GRM8: variants seen among roughly 807,000 people sequenced by gnomAD.
GRM8 encodes glutamate metabotropic receptor 8.
In GRM8, 47 loss-of-function variants were observed where a neutral mutation model predicts 87.2. The ratio of observed to expected loss-of-function variants is 0.54; its 90% CI spans 0.43 to 0.69. The LOEUF is 0.69. Among genes scored for constraint, GRM8 ranks in the 30% least tolerant of loss-of-function variants. The pLI is 0.00. For synonymous variants in GRM8, 396 were observed against 404.5 expected (o/e 0.98, Z 0.25); for missense variants, 1,019 against 1,139.2 (o/e 0.89, Z 1.52).
intron 6 of GRM8, among the ~76,000 whole-genome samples, chr7:126,774,341 C>G (rs552371156): frequency 1.3e-5 from 2 of 152,232 alleles, no homozygotes; most frequent in South Asian, 4.1e-4. Context: ...ACTCATCAAC[C>G]TAATTGGCTG....
chr7:126,457,424 G>A (rs1008720641), intron 9 of GRM8, among the ~76,000 whole-genome samples: 1 of 151,202 alleles, frequency 6.6e-6, no homozygotes, highest in Admixed American at 6.6e-5. Context: ...AAATTGTACA[G>A]AAAAAAATTA....
In GRM8 at chr7:126,439,150, G is replaced by A; in HGVS notation, c.2696C>T (p.Thr899Ile). 1.3e-6 allele frequency: 2 copies of A among 1,563,732 alleles called. No individual in the cohort carries two copies. Among genetic ancestry groups the A allele is most frequent in the South Asian group, 2.2e-5 (2 of 90,042 alleles). The change falls in exon 11 of 11, where the codon ACA (threonine) becomes ATA (isoleucine). Residue 899 changes from threonine (T) to isoleucine (I), a missense_variant. Coordinates refer to ENST00000339582, the MANE Select transcript of GRM8 (RefSeq NM_000845.3). ...LETNTSSTKT[T>I]YISYSNHSI ...TGAATGATTGCTGTAACTGATATAT[G>A]TTGTCTTGGTAGAGGAAGCTGTTAA...
intron 7 of GRM8, among the ~76,000 whole-genome samples, chr7:126,676,244 A>G (rs950848263): frequency 2.0e-5 from 3 of 152,208 alleles, no homozygotes; most frequent in Non-Finnish European, 2.9e-5. Context: ...AACACATGGA[A>G]AAACATCCCA....
At chr7:126,933,439 T>G (rs990554015) in intron 3 of GRM8, among the ~76,000 whole-genome samples, 4 of 152,230 alleles carry the variant, frequency 2.6e-5, no homozygotes, top group African/African-American at 9.6e-5. Context: ...CCAGTCTCTG[T>G]TCCGTTCACA....
chr7:126,587,427 C>T (rs1203069360), intron 8 of GRM8, among the ~76,000 whole-genome samples: 6 of 152,088 alleles, frequency 3.9e-5, no homozygotes, highest in Non-Finnish European at 1.5e-5. Flanking sequence ...GGAACCAATC[C>T]AAATGTCCAT....
At chr7:127,241,214 A>G (rs1374023266) in intron 2 of GRM8, among the ~76,000 whole-genome samples, 1 of 152,188 alleles carries the variant, frequency 6.6e-6, no homozygotes, top group Admixed American at 6.5e-5. Flanking sequence ...ACAGCCACTC[A>G]AGGGGGTGTT....
At chr7:126,585,243 T>A (rs534268233) in intron 8 of GRM8, among the ~76,000 whole-genome samples, 1 of 152,258 alleles carries the variant, frequency 6.6e-6, no homozygotes, top group African/African-American at 2.4e-5. Flanking sequence ...TGTAGCAAAT[T>A]CCTAATTCTA....
intron 3 of GRM8, among the ~76,000 whole-genome samples, chr7:126,965,129 T>A (rs1181602623): frequency 1.3e-5 from 2 of 151,886 alleles, no homozygotes; most frequent in Admixed American, 1.3e-4. Flanking sequence ...GGACACAGGG[T>A]GGGGGAATAT....
intron 7 of GRM8, among the ~76,000 whole-genome samples, chr7:126,616,400 C>T (rs942785581): frequency 2.0e-5 from 3 of 152,228 alleles, no homozygotes; most frequent in East Asian, 1.9e-4. Context: ...ATTTATAGCA[C>T]GAAATGCCCA....
chr7:127,140,626 T>C (rs541453953), intron 2 of GRM8, among the ~76,000 whole-genome samples: 3 of 152,218 alleles, frequency 2.0e-5, no homozygotes, highest in African/African-American at 7.2e-5. Context: ...CCCTGACTGA[T>C]TTCCATCTCT....
At chr7:126,802,598 G>A (rs1041087371) in intron 6 of GRM8, among the ~76,000 whole-genome samples, 6 of 152,198 alleles carry the variant, frequency 3.9e-5, no homozygotes, top group Non-Finnish European at 4.4e-5. Context: ...ATTTTGATAA[G>A]TGGAATAAGT....
intron 3 of GRM8, among the ~76,000 whole-genome samples, chr7:127,054,289 T>C (rs1194304440): frequency 1.3e-5 from 2 of 152,038 alleles, no homozygotes; most frequent in Non-Finnish European, 2.9e-5. Flanking sequence ...GGGCCCAAAA[T>C]GAGAATTACT....
intron 6 of GRM8, among the ~76,000 whole-genome samples, chr7:126,844,305 T>C (rs764753982): frequency 6.6e-6 from 1 of 152,192 alleles, no homozygotes; most frequent in Non-Finnish European, 1.5e-5. Context: ...ATCCTAATTC[T>C]TTAGGTCTAA....
At chr7:127,056,095 C>T (rs569931847) in intron 3 of GRM8, among the ~76,000 whole-genome samples, 1 of 152,036 alleles carries the variant, frequency 6.6e-6, no homozygotes, top group East Asian at 1.9e-4. Context: ...TTGAACTAGG[C>T]ATTCCCCAAG....
At chr7:126,596,687 T>C (rs1215012512) in intron 8 of GRM8, among the ~76,000 whole-genome samples, 1 of 152,120 alleles carries the variant, frequency 6.6e-6, no homozygotes, top group Admixed American at 6.6e-5. Flanking sequence ...CAGATATAAA[T>C]GGTTAACAAA....
intron 2 of GRM8, among the ~76,000 whole-genome samples, chr7:127,209,043 G>C (rs188235181): frequency 7.2e-5 from 11 of 152,284 alleles, no homozygotes; most frequent in Middle Eastern, 3.4e-3. Context: ...GTTCTGCTTG[G>C]TGCTGCTGCA....
chr7:127,241,493 G>A (rs1798296694), intron 2 of GRM8, among the ~76,000 whole-genome samples: 2 of 150,434 alleles, frequency 1.3e-5, no homozygotes, highest in South Asian at 4.2e-4. Flanking sequence ...GAGTGCAGTG[G>A]CATGATCTCG....
chr7:126,469,398 G>A (rs777123503), intron 9 of GRM8, among the ~76,000 whole-genome samples: 2 of 151,714 alleles, frequency 1.3e-5, no homozygotes, highest in Non-Finnish European at 2.9e-5. Flanking sequence ...TAACCCCCAT[G>A]TTGTCAAATC....
At chr7:126,868,342 G>A (rs941538809) in intron 6 of GRM8, among the ~76,000 whole-genome samples, 1 of 152,264 alleles carries the variant, frequency 6.6e-6, no homozygotes, top group Non-Finnish European at 1.5e-5. Context: ...CTAAGGAGCT[G>A]TGCAGATCAC....
Sources: gnomAD v4.1 joint callset for allele counts (sites outside exome capture counted in the v4.1 genomes callset) on GRCh38, gnomAD v4.1.1 for gene constraint, MANE v1.5 for transcripts, NCBI Gene and HGNC (gene_info 2026-07-23, HGNC 2026-07-21) for gene names.